NCOA2: variants seen among roughly 807,000 people sequenced by gnomAD.
The protein encoded by NCOA2 is class E basic helix-loop-helix protein 75.
NCOA2 carries 21 observed loss-of-function variants against 145.1 expected under a neutral mutation model. The observed-to-expected ratio is 0.14, with a 90% CI of 0.10 to 0.21. The LOEUF (loss-of-function observed/expected upper bound fraction) is 0.21, where lower values mean the gene tolerates loss of function less well. Ranked by LOEUF, NCOA2 falls within the 10% of genes least tolerant of loss-of-function variation. The probability of loss-of-function intolerance (pLI) is 1.00; values close to 1 mark genes in which losing one functional copy is unlikely to be tolerated. For missense variants in NCOA2, 1,472 were observed against 1,837.6 expected (o/e 0.80, Z 3.64); for synonymous variants, 619 against 637.5 (o/e 0.97, Z 0.44).
chr8:70,380,057 T>C (rs1812054306), intron 1 of NCOA2, among the ~76,000 whole-genome samples: 1 of 152,144 alleles, frequency 6.6e-6, no homozygotes, highest in Admixed American at 6.6e-5. Context: ...GTAATTAACA[T>C]ACAGCTTAAG....
chr8:70,350,808 C>T (rs1401309449), intron 1 of NCOA2, among the ~76,000 whole-genome samples: 1 of 152,154 alleles, frequency 6.6e-6, no homozygotes, highest in Non-Finnish European at 1.5e-5. Flanking sequence ...GACAAGCTGA[C>T]CCATAGTTAT....
chr8:70,263,005 A>G (rs1239494864), intron 2 of NCOA2, among the ~76,000 whole-genome samples: 3 of 151,694 alleles, frequency 2.0e-5, no homozygotes, highest in Non-Finnish European at 4.4e-5. Context: ...GATTTTGGCA[A>G]CCTCAGCCTA....
chr8:70,369,551 C>A (rs1166163562), intron 1 of NCOA2, among the ~76,000 whole-genome samples: 1 of 152,186 alleles, frequency 6.6e-6, no homozygotes, highest in Non-Finnish European at 1.5e-5. Flanking sequence ...GTCTTGCTCC[C>A]TGGCAGCATG....
chr8:70,390,283 A>T lies in NCOA2; in HGVS notation c.-77+13417T>A, dbSNP rs555003260. ...AGGCCATTAGCCTAACAATGACTCT[A>T]AGAGGACTTACTTTGAGTCAGAGGA... On this transcript the variant is annotated intron_variant, in intron 1 of 22. Coordinates refer to ENST00000452400, the MANE Select transcript of NCOA2 (RefSeq NM_006540.4). 3.0e-4 allele frequency among the ~76,000 whole-genome samples: 46 copies of T among 152,336 alleles called. No homozygotes were observed. The East Asian group carries it at 8.5e-3, about 28-fold the overall frequency.
chr8:70,168,276 T>C (rs994088541), intron 6 of NCOA2, among the ~76,000 whole-genome samples: 1 of 152,232 alleles, frequency 6.6e-6, no homozygotes, highest in Non-Finnish European at 1.5e-5. Context: ...GCTTTTTATG[T>C]TTTTGCAGAC....
chr8:70,205,435 A>G (rs1431038511), intron 4 of NCOA2, among the ~76,000 whole-genome samples: 1 of 152,162 alleles, frequency 6.6e-6, no homozygotes, highest in Non-Finnish European at 1.5e-5. Flanking sequence ...AGAATACAGT[A>G]GTAGGCCAAA....
rs570949130 is a variant in NCOA2, at chr8:70,128,341, C to T, written c.3681+92G>A. ...GGGCTAGTGTGCTGATCTGGATCCA[C>T]GTCTACTAAGTTAACTTTCTTCAGA... On this transcript the variant is annotated intron_variant, in intron 18 of 22. Transcript: ENST00000452400. The T allele has an allele frequency of 7.0e-4, 752 of 1,071,128 alleles. 1 individual carries two copies. Among genetic ancestry groups the T allele is most frequent in the Non-Finnish European group, 7.8e-4 (555 of 715,166 alleles). The allele number at this position is 1,071,128 out of a possible 1,614,324, so 66.4% of individuals were successfully genotyped here. A position where few individuals can be genotyped will look rare whatever the true frequency, so the allele number is the denominator to read the frequency against.
chr8:70,382,819 G>A (rs534900614), intron 1 of NCOA2, among the ~76,000 whole-genome samples: 32 of 152,230 alleles, frequency 2.1e-4, no homozygotes, highest in Admixed American at 1.0e-3. Context: ...TCCTCACCCT[G>A]ATTCACTGTA....
chr8:70,392,694 T>C (rs1009985899), intron 1 of NCOA2, among the ~76,000 whole-genome samples: 3 of 152,198 alleles, frequency 2.0e-5, no homozygotes, highest in Admixed American at 6.5e-5. Flanking sequence ...TTTTCAGAAC[T>C]ACTGAATTTC....
intron 21 of NCOA2, among the ~76,000 whole-genome samples, chr8:70,123,273 G>C (rs1808032556): frequency 6.6e-6 from 1 of 152,194 alleles, no homozygotes; most frequent in South Asian, 2.1e-4. Flanking sequence ...CATAAATGAA[G>C]GATCATTTCA....
chr8:70,445,889 T>C, the NCOA2 span, among the ~76,000 whole-genome samples: 1 of 152,238 alleles, frequency 6.6e-6, no homozygotes, highest in Admixed American at 6.5e-5. Flanking sequence ...ATCAGCACTT[T>C]AATTGTAAAA....
At chr8:70,306,199 G>A (rs1309655231) in intron 1 of NCOA2, among the ~76,000 whole-genome samples, 1 of 152,118 alleles carries the variant, frequency 6.6e-6, no homozygotes, top group Non-Finnish European at 1.5e-5. Context: ...TAGAAATCAC[G>A]TTTCAACTAC....
At chr8:70,147,155 T>C (rs1206139611) in intron 12 of NCOA2, among the ~76,000 whole-genome samples, 1 of 151,410 alleles carries the variant, frequency 6.6e-6, no homozygotes, top group African/African-American at 2.4e-5. Flanking sequence ...TGTTCTGAGA[T>C]GGAGTTTTGC....
intron 1 of NCOA2, among the ~76,000 whole-genome samples, chr8:70,304,460 A>G (rs1827731178): frequency 1.3e-5 from 2 of 151,054 alleles, no homozygotes; most frequent in Admixed American, 6.6e-5. Context: ...GTGATGCGTG[A>G]CTATATGCAT....
chr8:70,238,025 A>G lies in NCOA2; in HGVS notation c.-19-21261T>C, dbSNP rs73684234. 3.4e-3 allele frequency among the ~76,000 whole-genome samples: 513 copies of G among 152,320 alleles called. 5 individuals are homozygous for G. Among genetic ancestry groups the G allele is most frequent in the African/African-American group, 0.012 (498 of 41,568 alleles). Reference sequence around the variant, plus strand: ...TACTAAAAATAACAAATGTACCCACAGACCACAAAACAAAGGCAAAATTAA... The same window carrying G: ...TACTAAAAATAACAAATGTACCCACGGACCACAAAACAAAGGCAAAATTAA... On this transcript the variant is annotated intron_variant, in intron 2 of 22. Coordinates refer to ENST00000452400, the MANE Select transcript of NCOA2 (RefSeq NM_006540.4).
chr8:70,358,185 C>T (rs1586587553), intron 1 of NCOA2, among the ~76,000 whole-genome samples: 1 of 152,076 alleles, frequency 6.6e-6, no homozygotes, highest in Admixed American at 6.6e-5. Flanking sequence ...GGTAATAATA[C>T]CCAAAGTGAT....
intron 15 of NCOA2, among the ~76,000 whole-genome samples, chr8:70,133,863 A>G (rs1809438339): frequency 6.6e-6 from 1 of 152,228 alleles, no homozygotes; most frequent in African/African-American, 2.4e-5. Flanking sequence ...AAATGTTCAT[A>G]AAGGAATGCA....
Position 70,117,728 on chromosome 8 carries a change from C to T in NCOA2, c.4383+3574G>A, listed in dbSNP as rs894300295. ...GGTCAGCCGGCCTGGATTTACTTCC[C>T]AGTGTTGTAAGACCTTGATCGAGTC... On this transcript the variant is annotated intron_variant, in intron 22 of 22. Coordinates refer to ENST00000452400, the MANE Select transcript of NCOA2 (RefSeq NM_006540.4). 3.3e-5 allele frequency among the ~76,000 whole-genome samples: 5 copies of T among 152,306 alleles called. No individual in the cohort carries two copies. The East Asian group carries it at 5.8e-4, about 18-fold the overall frequency.
At chr8:70,148,081 G>T (rs886395110) in intron 12 of NCOA2, among the ~76,000 whole-genome samples, 192 bp downstream of exon 12, 1 of 152,184 alleles carries the variant, frequency 6.6e-6, no homozygotes, top group African/African-American at 2.4e-5. Context: ...ACCCACAAGA[G>T]AATGTGAGAG....
Sources: gnomAD v4.1 joint callset for allele counts (sites outside exome capture counted in the v4.1 genomes callset) on GRCh38, gnomAD v4.1.1 for gene constraint, MANE v1.5 for transcripts, NCBI Gene and HGNC (gene_info 2026-07-23, HGNC 2026-07-21) for gene names.